RPS6KA5: variants seen among roughly 807,000 people sequenced by gnomAD.
The protein encoded by RPS6KA5 is ribosomal protein S6 kinase alpha-5.
A neutral mutation model predicts 85.5 loss-of-function variants in RPS6KA5; 27 were observed. The ratio of observed to expected loss-of-function variants is 0.32; its 90% confidence interval spans 0.23 to 0.44. The LOEUF (loss-of-function observed/expected upper bound fraction) is 0.44. RPS6KA5 is among the 20% of genes least tolerant of loss of function. RPS6KA5 has a pLI of 1.00. For synonymous variants in RPS6KA5, 334 were observed against 348.2 expected (o/e 0.96, Z 0.46); for missense variants, 811 against 980.9 (o/e 0.83, Z 2.31).
intron 5 of RPS6KA5, among the ~76,000 whole-genome samples, chr14:90,938,716 C>T (rs767082585): frequency 6.6e-6 from 1 of 152,190 alleles, no homozygotes; most frequent in Non-Finnish European, 1.5e-5. Context: ...TGTACCTTGG[C>T]TCCTTTTAGT....
At chr14:91,011,484 C>CA (rs911614175) in intron 1 of RPS6KA5, among the ~76,000 whole-genome samples, 23 of 148,916 alleles carry the variant, frequency 1.5e-4, no homozygotes, top group African/African-American at 2.7e-4. Context: ...AACTCTGTCC[C>CA]AAAAAAAAAG....
intron 5 of RPS6KA5, among the ~76,000 whole-genome samples, chr14:90,936,973 G>C (rs1453220056): frequency 6.6e-6 from 1 of 152,034 alleles, no homozygotes; most frequent in Non-Finnish European, 1.5e-5. Context: ...TTTGGGTCTT[G>C]AGCCCAGAAG....
At chr14:90,995,508 C>T (rs572039333) in intron 2 of RPS6KA5, among the ~76,000 whole-genome samples, 195 of 152,212 alleles carry the variant, frequency 1.3e-3, no homozygotes, top group Non-Finnish European at 2.1e-3. Context: ...CCTTCTCTAC[C>T]GCTTGAGTGC....
intron 12 of RPS6KA5, among the ~76,000 whole-genome samples, chr14:90,895,796 G>A (rs557626640): frequency 1.3e-5 from 2 of 152,274 alleles, no homozygotes; most frequent in East Asian, 1.9e-4. Flanking sequence ...AGGCTGAGGT[G>A]GGAGAATCAC....
intron 1 of RPS6KA5, among the ~76,000 whole-genome samples, chr14:91,025,757 C>T (rs1403263696): frequency 2.6e-5 from 4 of 151,124 alleles, no homozygotes; most frequent in African/African-American, 7.3e-5. Context: ...AACCTCCCAA[C>T]TCCATCTCCA....
At chr14:90,935,663 T>C (rs1193425173) in intron 5 of RPS6KA5, among the ~76,000 whole-genome samples, 1 of 152,230 alleles carries the variant, frequency 6.6e-6, no homozygotes. Flanking sequence ...GTTAGATTTT[T>C]CTACTTCTGG....
intron 3 of RPS6KA5, among the ~76,000 whole-genome samples, chr14:90,971,215 G>T (rs1007980523): frequency 4.6e-5 from 7 of 152,140 alleles, no homozygotes; most frequent in Non-Finnish European, 1.0e-4. Flanking sequence ...TACTCGGGAG[G>T]CTGAGGCAGG....
intron 4 of RPS6KA5, among the ~76,000 whole-genome samples, chr14:90,946,409 T>C (rs1843127146): frequency 6.6e-6 from 1 of 152,282 alleles, no homozygotes; most frequent in African/African-American, 2.4e-5. Flanking sequence ...CTGGCAGGTC[T>C]GGTTTCTCCT....
chr14:90,923,697 TA>T (rs2036519683), intron 5 of RPS6KA5, among the ~76,000 whole-genome samples: 1 of 151,984 alleles, frequency 6.6e-6, no homozygotes, highest in Non-Finnish European at 1.5e-5. Flanking sequence ...AACCCAAAGA[TA>T]AAAAAGAATA....
intron 4 of RPS6KA5, among the ~76,000 whole-genome samples, chr14:90,945,425 T>C (rs1233691768): frequency 6.6e-6 from 1 of 152,358 alleles, no homozygotes; most frequent in Non-Finnish European, 1.5e-5. Flanking sequence ...ACAACCTCTT[T>C]AGAAAAGATT....
In RPS6KA5 at chr14:90,854,896, T is replaced by C. The variant is rs996665104; in HGVS notation, c.*17178A>G. ...AAACATATAAAAAGCACTGACTTTA[T>C]TGTACTGCAATATAAATTCTTCACA... On this transcript the variant is annotated 3_prime_UTR_variant, in exon 17 of 17. Coordinates refer to ENST00000614987, the MANE Select transcript of RPS6KA5 (RefSeq NM_004755.4). 16 of 152,230 alleles carry C rather than the reference T, an allele frequency of 1.1e-4. No homozygotes were observed. In the South Asian group the frequency reaches 1.4e-3, roughly 14 times the overall value. The allele number at this position is 152,230 out of a possible 1,614,324, so 9.4% of individuals were successfully genotyped here.
chr14:90,987,505 A>AG (rs1191420059), intron 2 of RPS6KA5, among the ~76,000 whole-genome samples: 1 of 152,178 alleles, frequency 6.6e-6, no homozygotes, highest in Non-Finnish European at 1.5e-5. Context: ...AAAAGATTGG[A>AG]GGGAAAAAAA....
chr14:91,028,441 C>A (rs985677245), intron 1 of RPS6KA5, among the ~76,000 whole-genome samples: 1 of 152,098 alleles, frequency 6.6e-6, no homozygotes, highest in Non-Finnish European at 1.5e-5. Flanking sequence ...GGTCTCAAAT[C>A]CTAGGCTCAA....
chr14:91,021,961 C>T (rs915775348), intron 1 of RPS6KA5, among the ~76,000 whole-genome samples: 3 of 152,074 alleles, frequency 2.0e-5, no homozygotes, highest in African/African-American at 4.8e-5. Context: ...TACTGAGGTA[C>T]CTTGCCTTCT....
At chr14:90,874,406 G>T (rs761129127) in intron 15 of RPS6KA5, among the ~76,000 whole-genome samples, 1 of 152,168 alleles carries the variant, frequency 6.6e-6, no homozygotes, top group Non-Finnish European at 1.5e-5. Context: ...AGGATTAAGA[G>T]CATGTAAAGA....
chr14:90,957,201 A>G (rs1235042896), intron 3 of RPS6KA5, among the ~76,000 whole-genome samples: 1 of 152,040 alleles, frequency 6.6e-6, no homozygotes, highest in Non-Finnish European at 1.5e-5. Flanking sequence ...AGTAGCAGGA[A>G]TTACAGGTGC....
In RPS6KA5 at chr14:90,853,250, T is replaced by C. The variant is rs1342896467; in HGVS notation, c.*18824A>G. Reference sequence around the variant, plus strand: ...AAGGGATGAAGATGTCATAATGATATTTTCCACTGTAGAAACTTCTTAGGT... The same window carrying C: ...AAGGGATGAAGATGTCATAATGATACTTTCCACTGTAGAAACTTCTTAGGT... On this transcript the variant is annotated 3_prime_UTR_variant, in exon 17 of 17. Transcript: ENST00000614987. The C allele has an allele frequency of 1.3e-5, 2 of 152,120 alleles. No homozygotes were observed. The highest frequency in any genetic ancestry group is 2.9e-5 in the Non-Finnish European group (2 of 68,030). The allele number at this position is 152,120 out of a possible 1,614,324, so 9.4% of individuals were successfully genotyped here. A position where few individuals can be genotyped will look rare whatever the true frequency, so the allele number is the denominator to read the frequency against.
intron 5 of RPS6KA5, among the ~76,000 whole-genome samples, chr14:90,924,561 A>C (rs1345659807): frequency 6.6e-6 from 1 of 152,198 alleles, no homozygotes; most frequent in Admixed American, 6.5e-5. Context: ...CTCAAGTAAC[A>C]ATTTTCTCAA....
intron 1 of RPS6KA5, among the ~76,000 whole-genome samples, chr14:91,037,029 C>G (rs1356345303): frequency 6.6e-6 from 1 of 152,204 alleles, no homozygotes; most frequent in Non-Finnish European, 1.5e-5. Flanking sequence ...AGAGAGCTAA[C>G]AGAATACAGC....
Sources: allele counts gnomAD v4.1 joint callset (sites outside exome capture counted in the v4.1 genomes callset), GRCh38; gene constraint gnomAD v4.1.1; transcripts MANE v1.5; gene names NCBI Gene and HGNC (gene_info 2026-07-23, HGNC 2026-07-21).